The following ELAPOR2 variants were observed in gnomAD, a reference collection of about 807,000 sequenced individuals.
The protein encoded by ELAPOR2 is endosome/lysosome-associated apoptosis and autophagy regulator family member 2.
Under a neutral mutation model 120.7 loss-of-function variants are expected in ELAPOR2, and 89 were observed. The observed-to-expected ratio is 0.74, with a 90% CI of 0.62 to 0.88. The LOEUF (loss-of-function observed/expected upper bound fraction) is 0.88. ELAPOR2 is among the 40% of genes least tolerant of loss of function. ELAPOR2 has a pLI of 0.00. For missense variants in ELAPOR2, 1,134 were observed against 1,251.6 expected (o/e 0.91, Z 1.42); for synonymous variants, 444 against 444.9 (o/e 1.00, Z 0.03).
intron 1 of ELAPOR2, among the ~76,000 whole-genome samples, chr7:87,008,476 C>G (rs1237474128): frequency 6.6e-6 from 1 of 152,164 alleles, no homozygotes; most frequent in Non-Finnish European, 1.5e-5. Context: ...AAATATGCAT[C>G]AAAGTAAAAT....
At chr7:86,905,596 A>C (rs957271915) in intron 18 of ELAPOR2, among the ~76,000 whole-genome samples, 1 of 152,162 alleles carries the variant, frequency 6.6e-6, no homozygotes, top group African/African-American at 2.4e-5. Flanking sequence ...TTAGCTTTTC[A>C]TAAAACTAAA....
intron 1 of ELAPOR2, among the ~76,000 whole-genome samples, chr7:86,978,618 A>G (rs1792358548): frequency 1.3e-5 from 2 of 152,164 alleles, no homozygotes; most frequent in African/African-American, 4.8e-5. Flanking sequence ...ATAGTCTAAG[A>G]AGGAGGCTGA....
chr7:87,031,427 G>A (rs1794420132), intron 1 of ELAPOR2, among the ~76,000 whole-genome samples: 1 of 152,090 alleles, frequency 6.6e-6, no homozygotes. Flanking sequence ...TTTCTCACCT[G>A]CACTCCCAGA....
chr7:86,941,929 G>A, intron 5 of ELAPOR2, 89 bp downstream of exon 5: 1 of 689,254 alleles, frequency 1.5e-6, no homozygotes, highest in Non-Finnish European at 2.6e-6. Flanking sequence ...CGTTATGAAA[G>A]GAAGGGGAAG....
rs1788576960 is a variant in ELAPOR2 at position 86,898,901 on chromosome 7, T to C, written c.2559-1269A>G. On this transcript the variant is annotated intron_variant, in intron 18 of 21. Coordinates refer to ENST00000450689, the MANE Select transcript of ELAPOR2 (RefSeq NM_001142749.3). ...AATGCTGCACAGGACCCTGGTCTTTTAGAGGTAGGAGAAAGACATCATCAC... is the reference window on the plus strand; with the variant it reads ...AATGCTGCACAGGACCCTGGTCTTTCAGAGGTAGGAGAAAGACATCATCAC... Among the ~76,000 whole-genome samples the C allele has an allele frequency of 2.0e-5, 3 of 152,152 alleles. No homozygotes were observed. The South Asian group carries it at 6.2e-4, about 32-fold the overall frequency.
At position 86,977,513 on chromosome 7, in the gene ELAPOR2, C is replaced by G. The variant is rs17765549; in HGVS notation, c.190-12489G>C. On this transcript the variant is annotated intron_variant, in intron 1 of 21. Transcript: ENST00000450689. ...ATATCATGTCTCTCCCTATATCATA[C>G]CTCTCCCTGTACTCTCAATACCATA... 4.8e-3 allele frequency among the ~76,000 whole-genome samples: 731 copies of G among 152,282 alleles called. 31 individuals are homozygous for G. In the East Asian group the frequency reaches 0.093, roughly 19 times the overall value.
rs1166030905 is a variant in ELAPOR2 at position 86,880,377 on chromosome 7, T to A, written c.*94A>T. On this transcript the variant is annotated 3_prime_UTR_variant, in exon 22 of 22. Coordinates refer to ENST00000450689, the MANE Select transcript of ELAPOR2 (RefSeq NM_001142749.3). ...TGGCCCTCCTCTGTGAGATCACCAATGTGACAGGTATGAGGACAGACCCTA... is the reference window on the plus strand; with the variant it reads ...TGGCCCTCCTCTGTGAGATCACCAAAGTGACAGGTATGAGGACAGACCCTA... 5.7e-6 allele frequency: 5 copies of A among 880,928 alleles called. No homozygotes were observed. The highest frequency in any genetic ancestry group is 9.4e-6 in the Non-Finnish European group (5 of 532,114). 54.6% of individuals were successfully genotyped at this position (880,928 alleles called of 1,614,324 possible). A position where few individuals can be genotyped will look rare whatever the true frequency, so the allele number is the denominator to read the frequency against.
intron 1 of ELAPOR2, among the ~76,000 whole-genome samples, chr7:87,059,117 G>A: frequency 6.6e-6 from 1 of 151,900 alleles, no homozygotes; most frequent in Non-Finnish European, 1.5e-5. Context: ...GGACAGAAAA[G>A]CATCCCCCGA....
intron 15 of ELAPOR2, 166 bp downstream of exon 15, chr7:86,911,906 A>C (rs1167919553): frequency 1.4e-6 from 1 of 702,990 alleles, no homozygotes; most frequent in Admixed American, 2.8e-5. Context: ...CTGGTGGAGA[A>C]ATCTGCCAAT....
intron 1 of ELAPOR2, among the ~76,000 whole-genome samples, chr7:87,015,484 G>C (rs1429747821): frequency 6.6e-6 from 1 of 151,986 alleles, no homozygotes; most frequent in Non-Finnish European, 1.5e-5. Context: ...TCTGTTTTAA[G>C]TCCTTCAAAG....
At chr7:86,914,513 G>A (rs1007242937) in intron 13 of ELAPOR2, among the ~76,000 whole-genome samples, 1 of 152,036 alleles carries the variant, frequency 6.6e-6, no homozygotes, top group Non-Finnish European at 1.5e-5. Context: ...ACAATTCAAA[G>A]ACATGTTGTT....
At chr7:87,001,454 G>A (rs1209736782) in intron 1 of ELAPOR2, among the ~76,000 whole-genome samples, 1 of 152,164 alleles carries the variant, frequency 6.6e-6, no homozygotes, top group Non-Finnish European at 1.5e-5. Context: ...TCTGAGAACA[G>A]ACATGGAAAC....
rs146367085 is a variant in ELAPOR2 at position 86,982,051 on chromosome 7, T to C, written c.190-17027A>G. On this transcript the variant is annotated intron_variant, in intron 1 of 21. Transcript: ENST00000450689. ...AGGTCCCATGCCCACAGAGCCTTGC[T>C]CACTGCTAGTGCAGCAGTCTGAGAT... Among the ~76,000 whole-genome samples, 446 of 152,372 alleles carry C rather than the reference T, an allele frequency of 2.9e-3. 1 individual carries two copies. The highest frequency in any genetic ancestry group is 0.01 in the African/African-American group (431 of 41,596).
chr7:87,038,921 A>G (rs1794673511), intron 1 of ELAPOR2, among the ~76,000 whole-genome samples: 1 of 152,064 alleles, frequency 6.6e-6, no homozygotes. Flanking sequence ...TTAATAGAAA[A>G]TAATAAAAAT....
chr7:87,022,926 GT>G (rs1406604123), intron 1 of ELAPOR2, among the ~76,000 whole-genome samples: 3 of 151,912 alleles, frequency 2.0e-5, no homozygotes, highest in Non-Finnish European at 4.4e-5. Context: ...TGATGGGGTT[GT>G]TTTTTTCTTG....
Position 86,914,834 on chromosome 7 carries a change from C to A in ELAPOR2, c.1620G>T (p.Val540=). The change falls in exon 13 of 22, where the codon GTG becomes GTT. Residue 540 remains valine, a synonymous_variant. Transcript: ENST00000450689. ...CTTTGGTTCCACCCCACGATTCTAC[C>A]ACATTTGTACTTTTTCTATTAATAT... ...MVDINRKSTN[V]VESWGGTKEK... is the part of the protein sequence containing the mutation. The A allele has an allele frequency of 6.2e-7, 1 of 1,609,864 alleles. No individual in the cohort carries two copies. The highest frequency in any genetic ancestry group is 8.5e-7 in the Non-Finnish European group (1 of 1,178,290).
At chr7:86,995,806 ATTT>A (rs1179222204) in intron 1 of ELAPOR2, among the ~76,000 whole-genome samples, 1 of 152,196 alleles carries the variant, frequency 6.6e-6, no homozygotes, top group Non-Finnish European at 1.5e-5. Flanking sequence ...AGATTACACT[ATTT>A]TTTGAAGAAA....
At chr7:87,051,765 G>C (rs780605137) in intron 1 of ELAPOR2, among the ~76,000 whole-genome samples, 2 of 152,114 alleles carry the variant, frequency 1.3e-5, no homozygotes, top group Non-Finnish European at 2.9e-5. Context: ...AGCAAACATT[G>C]GAAAACATTT....
chr7:87,001,035 T>C (rs565520574), intron 1 of ELAPOR2, among the ~76,000 whole-genome samples: 2 of 152,226 alleles, frequency 1.3e-5, no homozygotes, highest in East Asian at 3.9e-4. Context: ...AATACTGCAT[T>C]GTGTATTCTT....
Sources: allele counts gnomAD v4.1 joint callset (sites outside exome capture counted in the v4.1 genomes callset), GRCh38; gene constraint gnomAD v4.1.1; transcripts MANE v1.5; gene names NCBI Gene and HGNC (gene_info 2026-07-23, HGNC 2026-07-21).